VPS13B: variants seen among roughly 807,000 people sequenced by gnomAD.
VPS13B encodes the protein intermembrane lipid transfer protein VPS13B.
A neutral mutation model predicts 426.4 loss-of-function variants in VPS13B; 285 were observed. The observed-to-expected ratio is 0.67, with a 90% CI of 0.61 to 0.74. The LOEUF (loss-of-function observed/expected upper bound fraction) is 0.74. Among genes scored for constraint, VPS13B ranks in the 30% least tolerant of loss-of-function variants. The probability of loss-of-function intolerance (pLI) is 0.00; values close to 1 mark genes in which losing one functional copy is unlikely to be tolerated. For missense variants in VPS13B, 4,537 were observed against 4,782.6 expected (o/e 0.95, Z 1.51); for synonymous variants, 1,676 against 1,676.4 (o/e 1.00, Z 0.01).
chr8:99,507,251 G>A (rs1018531529), intron 28 of VPS13B, 48 bp downstream of exon 28: 2 of 1,569,640 alleles, frequency 1.3e-6, no homozygotes, highest in South Asian at 1.1e-5. Context: ...ACTTTAAACT[G>A]TTTATCTTGT....
chr8:99,872,309 T>C (rs1817463596), intron 61 of VPS13B, among the ~76,000 whole-genome samples: 1 of 152,178 alleles, frequency 6.6e-6, no homozygotes, highest in Non-Finnish European at 1.5e-5. Context: ...AAGTGGTCTC[T>C]CTCTCAAATC....
chr8:99,648,515 C>T (rs1437060231), intron 34 of VPS13B, among the ~76,000 whole-genome samples: 1 of 152,008 alleles, frequency 6.6e-6, no homozygotes. Flanking sequence ...TATGAATTTG[C>T]CTTTTGGCTA....
At chr8:99,585,605 A>C (rs2133826734) in intron 33 of VPS13B, among the ~76,000 whole-genome samples, 1 of 152,318 alleles carries the variant, frequency 6.6e-6, no homozygotes, top group Admixed American at 6.5e-5. Flanking sequence ...TAAGTGAAAA[A>C]AATTTTTAGA....
chr8:99,215,239 G>T (rs946067463), intron 17 of VPS13B, among the ~76,000 whole-genome samples: 2 of 152,152 alleles, frequency 1.3e-5, no homozygotes, highest in African/African-American at 4.8e-5. Flanking sequence ...TATTTTGCCT[G>T]CCTGACACCA....
At chr8:99,316,565 G>T (rs567543520) in intron 19 of VPS13B, among the ~76,000 whole-genome samples, 18 of 152,080 alleles carry the variant, frequency 1.2e-4, no homozygotes, top group Admixed American at 1.2e-3. Flanking sequence ...AGGGATCTGT[G>T]GGGGAAATGT....
chr8:99,500,043 A>C (rs1452164274), intron 25 of VPS13B, among the ~76,000 whole-genome samples: 1 of 152,162 alleles, frequency 6.6e-6, no homozygotes, highest in Non-Finnish European at 1.5e-5. Flanking sequence ...TGTGGTAATG[A>C]GAGCCGGGAC....
chr8:99,598,464 A>T lies in VPS13B; in HGVS notation c.5220+20831A>T, dbSNP rs117378805. On this transcript the variant is annotated intron_variant, in intron 33 of 61. Transcript: ENST00000357162. Reference sequence around the variant, plus strand: ...GTTCATTTGGCTGCAGTAATTATTCATTTATTCCTGAATAGCAAGTAATCA... The same window carrying T: ...GTTCATTTGGCTGCAGTAATTATTCTTTTATTCCTGAATAGCAAGTAATCA... 1.1e-3 allele frequency among the ~76,000 whole-genome samples: 171 copies of T among 152,170 alleles called. 2 individuals carry two copies. The East Asian group carries it at 0.032, about 28-fold the overall frequency.
chr8:99,112,699 A>T (rs995080344), intron 6 of VPS13B, among the ~76,000 whole-genome samples: 4 of 152,178 alleles, frequency 2.6e-5, no homozygotes, highest in Non-Finnish European at 4.4e-5. Context: ...TAAATTGAAG[A>T]TACATTGAAA....
At chr8:99,104,045 T>A (rs1485675701) in intron 5 of VPS13B, among the ~76,000 whole-genome samples, 4 of 152,220 alleles carry the variant, frequency 2.6e-5, no homozygotes, top group African/African-American at 9.6e-5. Flanking sequence ...AGGGACATAT[T>A]CTGAGAAATG....
intron 31 of VPS13B, among the ~76,000 whole-genome samples, chr8:99,572,908 CAG>C (rs1825557405): frequency 6.6e-6 from 1 of 152,204 alleles, no homozygotes; most frequent in Non-Finnish European, 1.5e-5. Flanking sequence ...AACTAATTTA[CAG>C]TCCCACCAAC....
At chr8:99,185,020 T>C (rs1448007689) in intron 16 of VPS13B, among the ~76,000 whole-genome samples, 2 of 152,122 alleles carry the variant, frequency 1.3e-5, no homozygotes, top group Non-Finnish European at 2.9e-5. Flanking sequence ...CAAAAGCTAA[T>C]GGATGTTGAA....
chr8:99,572,192 G>A lies in VPS13B; in HGVS notation c.4950-3466G>A, dbSNP rs545828980. 2.6e-5 allele frequency among the ~76,000 whole-genome samples: 4 copies of A among 152,130 alleles called. No individual in the cohort carries two copies. The South Asian group carries it at 8.3e-4, about 32-fold the overall frequency. On this transcript the variant is annotated intron_variant, in intron 31 of 61. Transcript: ENST00000357162. ...ACGAAACATAAATGTATTATTAGTT[G>A]ATAAAATGAAAACTAAGAATATACG...
chr8:99,663,813 T>C (rs1298188657), intron 35 of VPS13B, among the ~76,000 whole-genome samples: 1 of 152,214 alleles, frequency 6.6e-6, no homozygotes, highest in Admixed American at 6.5e-5. Flanking sequence ...TCATTTTGGC[T>C]AGAAAATTAT....
chr8:99,652,343 T>C (rs1184183147), intron 34 of VPS13B, among the ~76,000 whole-genome samples: 1 of 152,134 alleles, frequency 6.6e-6, no homozygotes, highest in Admixed American at 6.5e-5. Flanking sequence ...GTGTTGCTAT[T>C]AGGATTAAAC....
intron 19 of VPS13B, among the ~76,000 whole-genome samples, chr8:99,297,075 TCAA>T (rs1438430450): frequency 1.3e-5 from 2 of 152,162 alleles, no homozygotes; most frequent in Non-Finnish European, 2.9e-5. Context: ...AATACATTTC[TCAA>T]CAAATTCAGA....
chr8:99,302,657 T>TG (rs1820427468), intron 19 of VPS13B, among the ~76,000 whole-genome samples: 1 of 152,070 alleles, frequency 6.6e-6, no homozygotes, highest in Admixed American at 6.6e-5. Context: ...TTACAGGGTA[T>TG]GCCACCACAC....
At chr8:99,405,091 C>A (rs559868636) in intron 21 of VPS13B, among the ~76,000 whole-genome samples, 3 of 152,248 alleles carry the variant, frequency 2.0e-5, no homozygotes, top group Admixed American at 6.5e-5. Context: ...AGTACAGATG[C>A]CTACATAATG....
chr8:99,069,462 C>T (rs1470164430), intron 3 of VPS13B, among the ~76,000 whole-genome samples: 2 of 151,972 alleles, frequency 1.3e-5, no homozygotes, highest in Non-Finnish European at 2.9e-5. Context: ...GATTGAGAGA[C>T]AAAAGAACAA....
chr8:99,702,784 AT>A (rs1324843626), intron 36 of VPS13B, among the ~76,000 whole-genome samples: 5 of 152,142 alleles, frequency 3.3e-5, no homozygotes, highest in Admixed American at 1.3e-4. Flanking sequence ...TTAGTGAAGT[AT>A]TTTTTTAACA....
Sources: gnomAD v4.1 joint callset for allele counts (sites outside exome capture counted in the v4.1 genomes callset) on GRCh38, gnomAD v4.1.1 for gene constraint, MANE v1.5 for transcripts, NCBI Gene and HGNC (gene_info 2026-07-23, HGNC 2026-07-21) for gene names.